RAB28: variants seen among roughly 807,000 people sequenced by gnomAD.
RAB28 encodes ras-related protein Rab-28.
A neutral mutation model predicts 31.7 loss-of-function variants in RAB28; 24 were observed. That is an observed-to-expected ratio of 0.76 (90% CI 0.55 to 1.06). The LOEUF (loss-of-function observed/expected upper bound fraction) is 1.06. Ranked by LOEUF, RAB28 falls within the 50% of genes least tolerant of loss-of-function variation. RAB28 has a pLI of 0.00. For synonymous variants in RAB28, 100 were observed against 90.4 expected (o/e 1.11, Z -0.60); for missense variants, 254 against 258.5 (o/e 0.98, Z 0.12).
At chr4:13,383,244 C>T (rs1025857021) in intron 4 of RAB28, among the ~76,000 whole-genome samples, 11 of 151,958 alleles carry the variant, frequency 7.2e-5, no homozygotes, top group African/African-American at 2.2e-4. Context: ...GGAAAAATCC[C>T]CATTGAAATC....
At chr4:13,431,731 A>C (rs192611638) in intron 4 of RAB28, among the ~76,000 whole-genome samples, 64 of 152,242 alleles carry the variant, frequency 4.2e-4, no homozygotes, top group South Asian at 3.3e-3. Context: ...AACGAAGCCA[A>C]ACAATCATAC....
At chr4:13,426,923 T>A (rs931670990) in intron 4 of RAB28, among the ~76,000 whole-genome samples, 3 of 152,166 alleles carry the variant, frequency 2.0e-5, no homozygotes, top group Non-Finnish European at 4.4e-5. Context: ...CTTTAGAGGT[T>A]TGAGTTTTCA....
chr4:13,458,021 G>T (rs1016933306), intron 4 of RAB28, among the ~76,000 whole-genome samples: 1 of 152,086 alleles, frequency 6.6e-6, no homozygotes, highest in Admixed American at 6.6e-5. Context: ...AAAATGAGAA[G>T]CTGAACCCAG....
At chr4:13,408,638 A>G (rs906039078) in intron 4 of RAB28, among the ~76,000 whole-genome samples, 1 of 152,160 alleles carries the variant, frequency 6.6e-6, no homozygotes, top group African/African-American at 2.4e-5. Context: ...TCCTTGAGGG[A>G]AAAAATTGCA....
intron 4 of RAB28, among the ~76,000 whole-genome samples, chr4:13,386,905 AC>A (rs1729395079): frequency 6.6e-6 from 1 of 152,180 alleles, no homozygotes; most frequent in South Asian, 2.1e-4. Flanking sequence ...ACCATAGAAT[AC>A]TATACAGCCA....
At chr4:13,477,291 T>G (rs986039201) in intron 2 of RAB28, among the ~76,000 whole-genome samples, 1 of 151,450 alleles carries the variant, frequency 6.6e-6, no homozygotes, top group African/African-American at 2.4e-5. Context: ...TCTTGAAAAC[T>G]TGCATGAAGA....
At chr4:13,374,092 C>T (rs1046985805) in intron 6 of RAB28, among the ~76,000 whole-genome samples, 1 of 151,852 alleles carries the variant, frequency 6.6e-6, no homozygotes, top group Non-Finnish European at 1.5e-5. Flanking sequence ...GGCAAAAACA[C>T]CAAATTCATC....
At chr4:13,412,240 A>G (rs1712480295) in intron 4 of RAB28, among the ~76,000 whole-genome samples, 2 of 130,994 alleles carry the variant, frequency 1.5e-5, no homozygotes, top group Admixed American at 8.6e-5. Context: ...CTCCTTTAGA[A>G]CATCCAGAAC....
chr4:13,401,213 T>C (rs1385285827), intron 4 of RAB28, among the ~76,000 whole-genome samples: 1 of 152,212 alleles, frequency 6.6e-6, no homozygotes, highest in Non-Finnish European at 1.5e-5. Flanking sequence ...TAGTATTCTT[T>C]GTGGAAACAT....
intron 4 of RAB28, among the ~76,000 whole-genome samples, chr4:13,383,605 C>G (rs569306499): frequency 1.3e-5 from 2 of 152,112 alleles, no homozygotes; most frequent in African/African-American, 4.8e-5. Context: ...TGTCCTCATC[C>G]AAATCTCATC....
At chr4:13,435,034 A>G (rs1363750319) in intron 4 of RAB28, among the ~76,000 whole-genome samples, 1 of 149,772 alleles carries the variant, frequency 6.7e-6, no homozygotes, top group Non-Finnish European at 1.5e-5. Flanking sequence ...AAAAAAAAAA[A>G]AGAAAAGAAA....
chr4:13,474,195 T>G (rs1033833729), intron 3 of RAB28, 123 bp downstream of exon 3: 2 of 780,398 alleles, frequency 2.6e-6, no homozygotes, highest in Non-Finnish European at 2.3e-6. Context: ...AAAATTATTC[T>G]CTCTACGTAT....
intron 4 of RAB28, among the ~76,000 whole-genome samples, chr4:13,433,335 T>C (rs1299856644): frequency 6.6e-6 from 1 of 152,016 alleles, no homozygotes; most frequent in East Asian, 1.9e-4. Context: ...AACAAGCTTT[T>C]GTACAGCAAA....
At chr4:13,369,949 T>A (rs932154986) in intron 6 of RAB28, 2 of 1,611,852 alleles carry the variant, frequency 1.2e-6, no homozygotes, top group African/African-American at 1.3e-5. Flanking sequence ...CTTCACTATT[T>A]CTGCCCTGAC....
chr4:13,463,228 T>C (rs900285967), intron 3 of RAB28, among the ~76,000 whole-genome samples: 4 of 152,156 alleles, frequency 2.6e-5, no homozygotes, highest in African/African-American at 9.6e-5. Context: ...CCCTTCTGAT[T>C]AATATATGAA....
intron 1 of RAB28, among the ~76,000 whole-genome samples, chr4:13,482,766 A>C (rs1201415543): frequency 6.6e-6 from 1 of 152,220 alleles, no homozygotes; most frequent in Non-Finnish European, 1.5e-5. Context: ...CAAAGGATCC[A>C]AGAAGACAAG....
chr4:13,426,392 G>C (rs1368334155), intron 4 of RAB28, among the ~76,000 whole-genome samples: 1 of 151,988 alleles, frequency 6.6e-6, no homozygotes, highest in African/African-American at 2.4e-5. Flanking sequence ...TTGAAACAAT[G>C]AGAATTACGA....
Position 13,484,215 on chromosome 4 carries a change from G to C in RAB28, c.-65C>G. 1 of 1,348,802 alleles carries C rather than the reference G, an allele frequency of 7.4e-7. No individual in the cohort carries two copies. Among genetic ancestry groups the C allele is most frequent in the Non-Finnish European group, 1.0e-6 (1 of 963,690 alleles). The allele number at this position is 1,348,802 out of a possible 1,614,324, so 83.6% of individuals were successfully genotyped here. On this transcript the variant is annotated 5_prime_UTR_variant, in exon 1 of 7. Transcript: ENST00000330852. The stretch of plus-strand genomic sequence containing the variant: ...GGAAGGGAAGGATGAAGGCTCCGGG[G>C]GCGGGGGAGAGGAGGAAGGGAGGTA...
At chr4:13,463,823 G>C (rs1715712490) in intron 3 of RAB28, among the ~76,000 whole-genome samples, 2 of 151,922 alleles carry the variant, frequency 1.3e-5, no homozygotes, top group African/African-American at 4.8e-5. Flanking sequence ...AGACGAAAAA[G>C]TGAGAAAACT....
Sources: gnomAD v4.1 joint callset for allele counts (sites outside exome capture counted in the v4.1 genomes callset) on GRCh38, gnomAD v4.1.1 for gene constraint, MANE v1.5 for transcripts, NCBI Gene and HGNC (gene_info 2026-07-23, HGNC 2026-07-21) for gene names.